Variants in NELL1 observed in about 807,000 individuals in gnomAD.
NELL1 encodes protein kinase C-binding protein NELL1.
NELL1 carries 76 observed loss-of-function variants against 107.4 expected under a neutral mutation model. That is an observed-to-expected ratio of 0.71 (90% confidence interval 0.59 to 0.86). NELL1 has a LOEUF of 0.86. NELL1 is among the 40% of genes least tolerant of loss of function. The pLI is 0.00. For synonymous variants in NELL1, 353 were observed against 341.2 expected (o/e 1.03, Z -0.38); for missense variants, 1,024 against 1,005.5 (o/e 1.02, Z -0.25).
At chr11:20,842,221 A>G (rs568464341) in intron 3 of NELL1, among the ~76,000 whole-genome samples, 34 of 152,102 alleles carry the variant, frequency 2.2e-4, no homozygotes, top group Non-Finnish European at 4.9e-4. Context: ...TACTAAAAAT[A>G]CAAAAATTAA....
intron 11 of NELL1, 93 bp from the exon 12 acceptor site, chr11:20,960,339 A>G: frequency 8.7e-6 from 11 of 1,259,796 alleles, no homozygotes; most frequent in Non-Finnish European, 7.8e-6. Flanking sequence ...TTTCCTGCAT[A>G]GTGACATATA....
intron 15 of NELL1, among the ~76,000 whole-genome samples, chr11:21,449,263 G>A (rs762956809): frequency 3.9e-5 from 6 of 152,078 alleles, no homozygotes; most frequent in Non-Finnish European, 8.8e-5. Flanking sequence ...GAGATACCTA[G>A]TAAGATCTCA....
chr11:21,092,680 C>T (rs1487370557), intron 12 of NELL1, among the ~76,000 whole-genome samples: 1 of 152,004 alleles, frequency 6.6e-6, no homozygotes, highest in Non-Finnish European at 1.5e-5. Context: ...ACAAAATAGC[C>T]ATTTGTAGAA....
At chr11:21,374,005 G>A (rs937704797) in intron 15 of NELL1, among the ~76,000 whole-genome samples, 1 of 151,992 alleles carries the variant, frequency 6.6e-6, no homozygotes, top group African/African-American at 2.4e-5. Flanking sequence ...CGGATGTAAT[G>A]TAGCCACCTA....
At chr11:20,985,552 G>T (rs558634191) in intron 12 of NELL1, among the ~76,000 whole-genome samples, 1 of 152,274 alleles carries the variant, frequency 6.6e-6, no homozygotes, top group East Asian at 1.9e-4. Flanking sequence ...GTTGGGTATG[G>T]TGCCATAAGA....
chr11:21,093,354 A>T (rs536279670), intron 12 of NELL1, among the ~76,000 whole-genome samples: 4 of 151,968 alleles, frequency 2.6e-5, no homozygotes, highest in African/African-American at 9.7e-5. Context: ...TTTTATTTTT[A>T]TTTTTTTGTT....
At chr11:21,468,397 C>T (rs1284229497) in intron 15 of NELL1, among the ~76,000 whole-genome samples, 1 of 151,750 alleles carries the variant, frequency 6.6e-6, no homozygotes, top group Non-Finnish European at 1.5e-5. Context: ...TTGTTTTCTG[C>T]CTAACGTTAT....
chr11:20,712,222 C>A (rs1284830935), intron 2 of NELL1, among the ~76,000 whole-genome samples: 4 of 152,118 alleles, frequency 2.6e-5, no homozygotes, highest in African/African-American at 9.6e-5. Flanking sequence ...GAAGATCTTT[C>A]TTCTACTTGT....
chr11:21,045,589 A>G (rs1267093885), intron 12 of NELL1, among the ~76,000 whole-genome samples: 2 of 152,158 alleles, frequency 1.3e-5, no homozygotes, highest in Non-Finnish European at 2.9e-5. Context: ...GCTCTGCTGG[A>G]AAGATACCTG....
intron 2 of NELL1, among the ~76,000 whole-genome samples, chr11:20,770,551 C>T (rs1856619707): frequency 1.3e-5 from 2 of 152,188 alleles, no homozygotes; most frequent in South Asian, 4.1e-4. Flanking sequence ...CCTGAATGCA[C>T]AAACACCCTG....
intron 4 of NELL1, among the ~76,000 whole-genome samples, chr11:20,880,572 C>A (rs528563280): frequency 6.6e-6 from 1 of 152,322 alleles, no homozygotes; most frequent in African/African-American, 2.4e-5. Flanking sequence ...TGCTACACCA[C>A]ACTATCTAAG....
chr11:21,015,483 G>T (rs1852544188), intron 12 of NELL1, among the ~76,000 whole-genome samples: 1 of 152,022 alleles, frequency 6.6e-6, no homozygotes. Context: ...CAATGTATTT[G>T]CCTTTCAAGG....
intron 15 of NELL1, among the ~76,000 whole-genome samples, chr11:21,407,858 G>T (rs1245618002): frequency 6.6e-6 from 1 of 150,944 alleles, no homozygotes; most frequent in Non-Finnish European, 1.5e-5. Context: ...CCTTTTCTTT[G>T]CCAACTGAGA....
chr11:21,361,405 C>T (rs1851072985), intron 14 of NELL1, among the ~76,000 whole-genome samples: 1 of 151,742 alleles, frequency 6.6e-6, no homozygotes, highest in African/African-American at 2.4e-5. Context: ...TTTTGTCTCA[C>T]ACCTCTTAAG....
Position 21,206,549 on chromosome 11 carries a change from G to T in NELL1, c.1427-22783G>T, listed in dbSNP as rs576253068. 4.6e-5 allele frequency among the ~76,000 whole-genome samples: 7 copies of T among 152,234 alleles called. No homozygotes were observed. The South Asian group carries it at 1.2e-3, about 27-fold the overall frequency. ...ATACATTGAAAAGCAGGATAATAGG[G>T]ATAGCACATTTTCAGAGTTCTGTGT... On this transcript the variant is annotated intron_variant, in intron 13 of 19. Transcript: ENST00000357134.
At chr11:21,463,170 T>C (rs1419525642) in intron 15 of NELL1, among the ~76,000 whole-genome samples, 2 of 152,152 alleles carry the variant, frequency 1.3e-5, no homozygotes, top group Middle Eastern at 3.4e-3. Context: ...ATTAGCAATA[T>C]GCCAAAAGAG....
chr11:21,033,642 G>A (rs1437564156), intron 12 of NELL1, among the ~76,000 whole-genome samples: 2 of 151,848 alleles, frequency 1.3e-5, no homozygotes, highest in East Asian at 1.9e-4. Context: ...GTCTACCATC[G>A]ATGGGCATTT....
intron 12 of NELL1, among the ~76,000 whole-genome samples, chr11:21,073,280 G>T (rs1292832096): frequency 6.6e-6 from 1 of 152,064 alleles, no homozygotes. Flanking sequence ...TCAGTGCCTG[G>T]AGATTTTAAA....
At position 20,732,512 on chromosome 11, in the gene NELL1, T is replaced by A. The variant is rs142642704; in HGVS notation, c.185-51168T>A. 7.7e-3 allele frequency among the ~76,000 whole-genome samples: 1,170 copies of A among 152,268 alleles called. 14 individuals are homozygous for A. Among genetic ancestry groups the A allele is most frequent in the African/African-American group, 0.027 (1,120 of 41,554 alleles). ...AGATAATGAGCATTAATGGTGTGCC[T>A]GAATGACTCCCAGGTGGTGAGTGCT... On this transcript the variant is annotated intron_variant, in intron 2 of 19. Coordinates refer to ENST00000357134, the MANE Select transcript of NELL1 (RefSeq NM_006157.5).
Sources: allele counts gnomAD v4.1 joint callset (sites outside exome capture counted in the v4.1 genomes callset), GRCh38; gene constraint gnomAD v4.1.1; transcripts MANE v1.5; gene names NCBI Gene and HGNC (gene_info 2026-07-23, HGNC 2026-07-21).